Variants in ADCYAP1R1 observed in about 807,000 individuals in gnomAD.
ADCYAP1R1 encodes pituitary adenylate cyclase-activating polypeptide type I receptor.
ADCYAP1R1 carries 44 observed loss-of-function variants against 67.6 expected under a neutral mutation model. The observed-to-expected ratio is 0.65, with a 90% CI of 0.51 to 0.84. The LOEUF (loss-of-function observed/expected upper bound fraction) is 0.84. ADCYAP1R1 is among the 40% of genes least tolerant of loss of function. The pLI is 0.00. For synonymous variants in ADCYAP1R1, 222 were observed against 219.6 expected (o/e 1.01, Z -0.10); for missense variants, 477 against 587.9 (o/e 0.81, Z 1.95).
At chr7:31,100,414 G>A (rs932084741) in intron 13 of ADCYAP1R1, among the ~76,000 whole-genome samples, 1 of 152,050 alleles carries the variant, frequency 6.6e-6, no homozygotes, top group Non-Finnish European at 1.5e-5. Flanking sequence ...AGGGTGTGGG[G>A]ATGGATCTAC....
At chr7:31,091,302 A>T (rs1795950787) in intron 12 of ADCYAP1R1, among the ~76,000 whole-genome samples, 1 of 152,172 alleles carries the variant, frequency 6.6e-6, no homozygotes, top group Non-Finnish European at 1.5e-5. Context: ...TTCCTTATAG[A>T]TGCTGGATAT....
At position 31,107,487 on chromosome 7, in the gene ADCYAP1R1, A is replaced by C. The variant is rs1796696912; in HGVS notation, c.*803A>C. The stretch of plus-strand genomic sequence containing the variant: ...ATGGAAGAAAACCTTCGCCATCTCC[A>C]TTGTTTTACCCCCAGCTCAAGATGG... On this transcript the variant is annotated 3_prime_UTR_variant, in exon 16 of 16. Coordinates refer to ENST00000304166, the MANE Select transcript of ADCYAP1R1 (RefSeq NM_001118.5). The C allele has an allele frequency of 6.6e-6, 1 of 152,102 alleles. No individual in the cohort carries two copies. Among genetic ancestry groups the C allele is most frequent in the South Asian group, 2.1e-4 (1 of 4,812 alleles). 9.4% of individuals were successfully genotyped at this position (152,102 alleles called of 1,614,324 possible).
rs1796488637 is a variant in ADCYAP1R1, at chr7:31,102,745, C to T, written c.1047-492C>T. Among the ~76,000 whole-genome samples, 1 of 152,142 alleles carries T rather than the reference C, an allele frequency of 6.6e-6. No homozygotes were observed. Among genetic ancestry groups the T allele is most frequent in the Non-Finnish European group, 1.5e-5 (1 of 68,026 alleles). On this transcript the variant is annotated intron_variant, in intron 13 of 15. Coordinates refer to ENST00000304166, the MANE Select transcript of ADCYAP1R1 (RefSeq NM_001118.5). This position sits in a 1 kb window ranked among gnomAD's most constrained non-coding sequence, Gnocchi z 4.3. ...GCCTTTCCTCCCTCCCTGCCATCAG[C>T]ACTTCCCCATCACTTGGTGAGTGTC...
chr7:31,106,017 A>C (rs1033769229), intron 15 of ADCYAP1R1, among the ~76,000 whole-genome samples: 2 of 152,232 alleles, frequency 1.3e-5, no homozygotes, highest in Admixed American at 1.3e-4. Context: ...GCTTTAAAAA[A>C]TATGATGTCT....
intron 1 of ADCYAP1R1, 130 bp downstream of exon 1, chr7:31,052,808 C>A (rs1332589516): frequency 6.6e-6 from 1 of 152,282 alleles, no homozygotes; most frequent in Non-Finnish European, 1.5e-5. Flanking sequence ...CGACCTCCAC[C>A]GACGGAGAGC....
intron 2 of ADCYAP1R1, among the ~76,000 whole-genome samples, 189 bp from the exon 3 acceptor site, chr7:31,064,642 T>TCAATC (rs1794654591): frequency 6.6e-6 from 1 of 152,182 alleles, no homozygotes; most frequent in East Asian, 1.9e-4. Flanking sequence ...AGTTGGTGAC[T>TCAATC]GAGAAGAGCC....
At chr7:31,106,249 C>T (rs973367358) in intron 15 of ADCYAP1R1, among the ~76,000 whole-genome samples, 22 of 152,190 alleles carry the variant, frequency 1.4e-4, no homozygotes, top group African/African-American at 3.4e-4. Context: ...AACAGGGAGC[C>T]ATTAGAGGGC....
Position 31,106,523 on chromosome 7 carries a change from C to A in ADCYAP1R1, c.1246C>A (p.Arg416=). Residue 416 remains arginine (R), a synonymous_variant, in exon 16 of 16, where the codon CGA becomes AGA. Transcript: ENST00000304166. ...ACAAGCGGAGATCAAGCGAAAATGG[C>A]GAAGCTGGAAGGTGAACCGTTACTT... ...EVQAEIKRKW[R]SWKVNRYFAV... is the part of the protein sequence containing the mutation. 6.2e-7 allele frequency: 1 copy of A among 1,611,702 alleles called. No homozygotes were observed. Among genetic ancestry groups the A allele is most frequent in the Non-Finnish European group, 8.5e-7 (1 of 1,178,766 alleles).
intron 5 of ADCYAP1R1, 76 bp from the exon 6 acceptor site, chr7:31,081,637 C>T (rs1269656944): frequency 7.9e-7 from 1 of 1,268,416 alleles, no homozygotes; most frequent in Non-Finnish European, 1.1e-6. Context: ...TAGCCTGAGC[C>T]TTCCAGGGTG....
rs565703099 is a variant in ADCYAP1R1, at chr7:31,080,524, C to T, written c.266-89C>T. The T allele has an allele frequency of 2.7e-5, 37 of 1,362,456 alleles. No individual in the cohort carries two copies. In the East Asian group the frequency reaches 4.2e-4, roughly 16 times the overall value. The allele number at this position is 1,362,456 out of a possible 1,614,324, so 84.4% of individuals were successfully genotyped here. A position where few individuals can be genotyped will look rare whatever the true frequency, so the allele number is the denominator to read the frequency against. On this transcript the variant is annotated intron_variant, in intron 4 of 15. Transcript: ENST00000304166. ...GGGTTGGGAAGGAGGAGGAAGTGAT[C>T]AGCAAGACCCAAGGAGAGCAGCCCC...
rs1415323990 is a variant in ADCYAP1R1 at position 31,108,860 on chromosome 7, G to A, written c.*2176G>A. ...GTCCCTTCCATTTGGACACCACAGT[G>A]GAAGCTGGTGGCCTGGAAGGAAGGA... On this transcript the variant is annotated 3_prime_UTR_variant, in exon 16 of 16. Transcript: ENST00000304166. The A allele has an allele frequency of 1.3e-5, 2 of 152,204 alleles. No homozygotes were observed. Among genetic ancestry groups the A allele is most frequent in the Non-Finnish European group, 2.9e-5 (2 of 68,088 alleles). 9.4% of individuals were successfully genotyped at this position (152,204 alleles called of 1,614,324 possible). A position where few individuals can be genotyped will look rare whatever the true frequency, so the allele number is the denominator to read the frequency against.
rs1360582017 is a variant in ADCYAP1R1 at position 31,103,268 on chromosome 7, C to A, written c.1078C>A (p.Pro360Thr). 2 of 1,614,150 alleles carry A rather than the reference C, an allele frequency of 1.2e-6. No homozygotes were observed. The highest frequency in any genetic ancestry group is 1.7e-5 in the Admixed American group (1 of 60,024). ...RLARSTLLLIPLFGIHYTVFA... is the reference protein window; with the variant it reads ...RLARSTLLLITLFGIHYTVFA... ...GGCCCGGTCCACCCTGCTGCTCATC[C>A]CACTATTCGGAATCCACTACACAGT... is the stretch of plus-strand genomic sequence containing the variant. The change falls in exon 14 of 16, where the codon CCA becomes ACA. Residue 360 changes from proline (P) to threonine (T), a missense_variant. Physicochemically the swap from Pro to Thr is conservative, Grantham distance 38. Transcript: ENST00000304166.
Position 31,086,925 on chromosome 7 carries a change from T to C in ADCYAP1R1, c.824-18T>C. 1 of 1,613,940 alleles carries C rather than the reference T, an allele frequency of 6.2e-7. No individual in the cohort carries two copies. Among genetic ancestry groups the C allele is most frequent in the Non-Finnish European group, 8.5e-7 (1 of 1,179,842 alleles). On this transcript the variant is annotated intron_variant, in intron 10 of 15. Transcript: ENST00000304166. The surrounding 1 kb of genome is among the most constrained non-coding windows in gnomAD (Gnocchi z 5.0). Reference sequence around the variant, plus strand: ...TGGTTTTCCTGTTCTCACGGACCTCTTTTTCTTGTTCTCCCAGGGACCCCA... The same window carrying C: ...TGGTTTTCCTGTTCTCACGGACCTCCTTTTCTTGTTCTCCCAGGGACCCCA...
At chr7:31,069,270 G>A (rs753023305) in intron 3 of ADCYAP1R1, among the ~76,000 whole-genome samples, 3 of 152,142 alleles carry the variant, frequency 2.0e-5, no homozygotes, top group Non-Finnish European at 2.9e-5. Flanking sequence ...CCAAAGAATC[G>A]ACATCTGTGC....
In ADCYAP1R1 at chr7:31,088,283, G is replaced by C. The variant is rs183100769; in HGVS notation, c.954+587G>C. Among the ~76,000 whole-genome samples, 31 of 152,222 alleles carry C rather than the reference G, an allele frequency of 2.0e-4. No homozygotes were observed. The East Asian group carries it at 4.3e-3, about 21-fold the overall frequency. ...TTCAGTTTTCTATCAGATTTTATTA[G>C]TTACAGTTTAAAGGATAGTTAACAC... On this transcript the variant is annotated intron_variant, in intron 12 of 15. Transcript: ENST00000304166.
At chr7:31,060,482 TG>T (rs968998392) in intron 1 of ADCYAP1R1, among the ~76,000 whole-genome samples, 6 of 151,694 alleles carry the variant, frequency 4.0e-5, no homozygotes, top group African/African-American at 1.5e-4. Flanking sequence ...TGTGTGTCTG[TG>T]AAGGAGTGTG....
At chr7:31,076,108 G>A (rs2299907) in intron 3 of ADCYAP1R1, among the ~76,000 whole-genome samples, 101,908 of 152,090 alleles carry the variant, frequency 0.67, 34,420 homozygotes, top group African/African-American at 0.76. Context: ...CACAGAGTGG[G>A]CAGGACAGAG....
chr7:31,080,285 G>C (rs1469239032), intron 4 of ADCYAP1R1, among the ~76,000 whole-genome samples: 1 of 152,208 alleles, frequency 6.6e-6, no homozygotes, highest in East Asian at 1.9e-4. Context: ...TTTGCAAGGA[G>C]AGAATGGGAT....
chr7:31,109,100 A>G lies in ADCYAP1R1; in HGVS notation c.*2416A>G, dbSNP rs1208851755. On this transcript the variant is annotated 3_prime_UTR_variant, in exon 16 of 16. Coordinates refer to ENST00000304166, the MANE Select transcript of ADCYAP1R1 (RefSeq NM_001118.5). ...ATAGAGACATCATCACAAAACAGTA[A>G]AAACAAAATCAACCCTGAACCCCAT... The G allele has an allele frequency of 6.6e-6, 1 of 152,190 alleles. No homozygotes were observed. The highest frequency in any genetic ancestry group is 1.5e-5 in the Non-Finnish European group (1 of 68,062). 9.4% of individuals were successfully genotyped at this position (152,190 alleles called of 1,614,324 possible). A position where few individuals can be genotyped will look rare whatever the true frequency, so the allele number is the denominator to read the frequency against.
Sources: allele counts gnomAD v4.1 joint callset (sites outside exome capture counted in the v4.1 genomes callset), GRCh38; gene constraint gnomAD v4.1.1; non-coding constraint Gnocchi (gnomAD v3.1); transcripts MANE v1.5; gene names NCBI Gene and HGNC (gene_info 2026-07-23, HGNC 2026-07-21).